PRLR: variants seen among roughly 807,000 people sequenced by gnomAD.
The protein encoded by PRLR is hPRL receptor.
In PRLR, 13 loss-of-function variants were observed where a neutral mutation model predicts 40.2. The ratio of observed to expected loss-of-function variants is 0.32; its 90% CI spans 0.21 to 0.51. The LOEUF (loss-of-function observed/expected upper bound fraction) is 0.51, where lower values mean the gene tolerates loss of function less well. Among genes scored for constraint, PRLR ranks in the 20% least tolerant of loss-of-function variants. The probability of loss-of-function intolerance (pLI) is 0.97; values close to 1 mark genes in which losing one functional copy is unlikely to be tolerated. For missense variants in PRLR, 656 were observed against 747.3 expected, an observed-to-expected ratio of 0.88 and a Z score of 1.42; for synonymous variants, 269 against 278.7, an observed-to-expected ratio of 0.97 and a Z score of 0.35.
In PRLR at chr5:35,144,123, C is replaced by CAAAAA. The variant is rs34642253; in HGVS notation, c.-105-26006_-105-26002dup. Among the ~76,000 whole-genome samples, 87 of 109,038 alleles carry CAAAAA rather than the reference C, an allele frequency of 8.0e-4. 1 individual carries two copies. Among genetic ancestry groups the CAAAAA allele is most frequent in the Middle Eastern group, 9.6e-3 (2 of 208 alleles). The allele number at this position is 109,038 out of a possible 152,430, so 71.5% of individuals were successfully genotyped here. A position where few individuals can be genotyped will look rare whatever the true frequency, so the allele number is the denominator to read the frequency against. On this transcript the variant is annotated intron_variant, in intron 1 of 9. Transcript: ENST00000618457. Reference sequence around the variant, plus strand: ...ATGCCACAGATTTTCAACAAGCTTCCAAAAAAAAAAAAAAAAAAACCCAGA... The same window carrying CAAAAA: ...ATGCCACAGATTTTCAACAAGCTTCCAAAAAAAAAAAAAAAAAAAAAAAACCCAGA...
At chr5:35,219,892 A>T (rs1018986899) in intron 1 of PRLR, among the ~76,000 whole-genome samples, 1 of 152,222 alleles carries the variant, frequency 6.6e-6, no homozygotes, top group Non-Finnish European at 1.5e-5. Context: ...AGGGTAGGGC[A>T]GGAACAATCA....
chr5:35,097,007 T>TA (rs1440787120), intron 2 of PRLR, among the ~76,000 whole-genome samples: 126 of 152,130 alleles, frequency 8.3e-4, no homozygotes, highest in African/African-American at 2.1e-3. Flanking sequence ...ATGGGCATTT[T>TA]AAAAAAAACC....
In PRLR at chr5:35,089,680, C is replaced by T; in HGVS notation, c.-43-17G>A. On this transcript the variant is annotated splice_polypyrimidine_tract_variant and intron_variant, in intron 2 of 9. Transcript: ENST00000618457. ...AGAAGTTCACTGGAAGAGAAGGTAG[C>T]AGGTAACTTTTGTGAAATGGCAGTC... The T allele has an allele frequency of 6.3e-7, 1 of 1,583,444 alleles. No homozygotes were observed. The highest frequency in any genetic ancestry group is 1.1e-5 in the South Asian group (1 of 90,198).
intron 2 of PRLR, among the ~76,000 whole-genome samples, chr5:35,098,198 G>A (rs80254053): frequency 0.016 from 2,384 of 152,224 alleles, 74 homozygotes; most frequent in African/African-American, 0.055. Flanking sequence ...GTTTTTTGCC[G>A]TGTTTAACCT....
chr5:35,137,764 CA>C (rs548172916), intron 1 of PRLR, among the ~76,000 whole-genome samples: 146 of 152,224 alleles, frequency 9.6e-4, no homozygotes, highest in African/African-American at 3.4e-3. Context: ...GGGAATCAAC[CA>C]GGAGGAAACA....
At chr5:35,049,146 C>G (rs1453777857) in exon 9 of PRLR, 2 of 697,362 alleles carry the variant, frequency 2.9e-6, no homozygotes, top group African/African-American at 3.5e-5. Flanking sequence ...TATGAGCTGG[C>G]TGGTCACGTG....
chr5:35,070,052 T>C, intron 7 of PRLR, 72 bp downstream of exon 7: 3 of 1,509,708 alleles, frequency 2.0e-6, no homozygotes, highest in Non-Finnish European at 8.9e-7. Context: ...TCTCTATTAG[T>C]AGTTATTATA....
intron 1 of PRLR, among the ~76,000 whole-genome samples, chr5:35,137,327 T>G (rs973994631): frequency 6.6e-6 from 1 of 151,936 alleles, no homozygotes; most frequent in Non-Finnish European, 1.5e-5. Flanking sequence ...GACTTTTTTT[T>G]AAGCAGCATA....
chr5:35,149,848 A>T (rs1386941656), intron 1 of PRLR, among the ~76,000 whole-genome samples: 1 of 152,114 alleles, frequency 6.6e-6, no homozygotes, highest in African/African-American at 2.4e-5. Context: ...ACCCAGGAAG[A>T]TAACTACCTA....
At chr5:35,229,914 C>G (rs536509023) in intron 1 of PRLR, among the ~76,000 whole-genome samples, 11 of 152,254 alleles carry the variant, frequency 7.2e-5, no homozygotes, top group African/African-American at 2.4e-4. Context: ...CCACAATCAA[C>G]GCCGAAACTC....
At chr5:35,131,178 T>A (rs946900325) in intron 1 of PRLR, among the ~76,000 whole-genome samples, 1 of 152,226 alleles carries the variant, frequency 6.6e-6, no homozygotes, top group African/African-American at 2.4e-5. Flanking sequence ...ACTTCTTATA[T>A]GAACCAATTT....
At chr5:35,161,240 G>A (rs1184030218) in intron 1 of PRLR, among the ~76,000 whole-genome samples, 2 of 152,108 alleles carry the variant, frequency 1.3e-5, no homozygotes, top group African/African-American at 2.4e-5. Context: ...AGTTACCTGC[G>A]CAACCCTAGA....
chr5:35,161,400 C>T (rs1774669588), intron 1 of PRLR, among the ~76,000 whole-genome samples: 1 of 152,208 alleles, frequency 6.6e-6, no homozygotes, highest in Admixed American at 6.5e-5. Context: ...GCACATTCAT[C>T]ATGACCAAAG....
At position 35,065,347 on chromosome 5, in the gene PRLR, G is replaced by A. The variant is rs1188716314; in HGVS notation, c.1611C>T (p.Pro537=). ...QRENSGKPKK[P]GTPENNKEYA... Reference sequence around the variant, plus strand: ...ACTCCTTATTGTTCTCAGGAGTCCCGGGCTTCTTGGGCTTGCCGCTGTTCT... The same window carrying A: ...ACTCCTTATTGTTCTCAGGAGTCCCAGGCTTCTTGGGCTTGCCGCTGTTCT... Residue 537 remains proline (P), a synonymous_variant, in exon 10 of 10, where the codon CCC becomes CCT. Coordinates refer to ENST00000618457, the MANE Select transcript of PRLR (RefSeq NM_000949.7). The A allele has an allele frequency of 6.8e-6, 11 of 1,613,944 alleles. No homozygotes were observed. The highest frequency in any genetic ancestry group is 1.1e-5 in the South Asian group (1 of 91,064).
At chr5:35,141,236 G>GAAAAAA (rs368097359) in intron 1 of PRLR, among the ~76,000 whole-genome samples, 2 of 141,328 alleles carry the variant, frequency 1.4e-5, no homozygotes, top group African/African-American at 2.6e-5. Context: ...CTTAATACCT[G>GAAAAAA]AAAAAAAAAA....
At chr5:35,139,536 A>G (rs1773954340) in intron 1 of PRLR, among the ~76,000 whole-genome samples, 1 of 152,232 alleles carries the variant, frequency 6.6e-6, no homozygotes, top group East Asian at 1.9e-4. Flanking sequence ...AACCCCACAT[A>G]CTATAAAATA....
chr5:35,173,435 C>A (rs1775057369), intron 1 of PRLR, among the ~76,000 whole-genome samples: 1 of 152,166 alleles, frequency 6.6e-6, no homozygotes, highest in African/African-American at 2.4e-5. Context: ...CAGTTTGGTG[C>A]AGAGGAAGTC....
At chr5:35,136,191 T>C (rs1019382509) in intron 1 of PRLR, among the ~76,000 whole-genome samples, 4 of 152,136 alleles carry the variant, frequency 2.6e-5, no homozygotes, top group African/African-American at 9.7e-5. Context: ...AATAACAGAA[T>C]TGTGCAAGTT....
At chr5:35,201,359 C>T (rs948975405) in intron 1 of PRLR, among the ~76,000 whole-genome samples, 4 of 152,168 alleles carry the variant, frequency 2.6e-5, no homozygotes, top group African/African-American at 4.8e-5. Context: ...TGTGAGAGTA[C>T]GTTTATTATT....
Sources: gnomAD v4.1 joint callset for allele counts (sites outside exome capture counted in the v4.1 genomes callset) on GRCh38, gnomAD v4.1.1 for gene constraint, MANE v1.5 for transcripts, NCBI Gene and HGNC (gene_info 2026-07-23, HGNC 2026-07-21) for gene names.